GIGYF2: variants seen among roughly 807,000 people sequenced by gnomAD.
GIGYF2 encodes the protein GRB10-interacting GYF protein 2.
Under a neutral mutation model 208.1 loss-of-function variants are expected in GIGYF2, and 25 were observed. The ratio of observed to expected loss-of-function variants is 0.12; its 90% CI spans 0.09 to 0.17. The LOEUF is 0.17. Among genes scored for constraint, GIGYF2 ranks in the 10% least tolerant of loss-of-function variants. The pLI is 1.00. For synonymous variants in GIGYF2, 534 were observed against 543.8 expected (o/e 0.98, Z 0.25); for missense variants, 1,302 against 1,579.4 (o/e 0.82, Z 2.98).
Position 232,839,974 on chromosome 2 carries a change from A to G in GIGYF2, c.2889+3A>G. On this transcript the variant is annotated splice_donor_region_variant and intron_variant, in intron 23 of 28. Transcript: ENST00000373563. ...GAGAACGGCAGCTTCGAGAAGAGGT[A>G]AAATTTTAAAGTAAAAGGGATCTAG... The G allele has an allele frequency of 6.2e-7, 1 of 1,613,844 alleles. No homozygotes were observed. The highest frequency in any genetic ancestry group is 8.5e-7 in the Non-Finnish European group (1 of 1,179,806).
At chr2:232,771,131 G>C (rs1699227974) in intron 8 of GIGYF2, 1 of 1,614,088 alleles carries the variant, frequency 6.2e-7, no homozygotes, top group Non-Finnish European at 8.5e-7. Context: ...ATCTCAGCCA[G>C]AACATACCAG....
intron 21 of GIGYF2, among the ~76,000 whole-genome samples, chr2:232,830,336 T>C (rs1374094913): frequency 6.6e-6 from 1 of 152,198 alleles, no homozygotes; most frequent in East Asian, 1.9e-4. Flanking sequence ...AGTTCAGCTT[T>C]TATAATTACA....
intron 4 of GIGYF2, 145 bp from the exon 5 acceptor site, chr2:232,748,836 ATAGAAG>A: frequency 1.6e-6 from 1 of 630,500 alleles, no homozygotes; most frequent in Non-Finnish European, 2.9e-6. Flanking sequence ...TATAAGGACT[ATAGAAG>A]TCAATTATGG....
At chr2:232,697,593 C>T (rs1370155222) in intron 1 of GIGYF2, among the ~76,000 whole-genome samples, 3 of 152,206 alleles carry the variant, frequency 2.0e-5, no homozygotes, top group African/African-American at 4.8e-5. Flanking sequence ...AGGTGCAGGG[C>T]CGGAGGGAGC....
Position 232,811,224 on chromosome 2 carries a change from T to C in GIGYF2, c.1899-20T>C, listed in dbSNP as rs1184406493. The C allele has an allele frequency of 7.2e-7, 1 of 1,380,884 alleles. No homozygotes were observed. The allele number at this position is 1,380,884 out of a possible 1,614,324, so 85.5% of individuals were successfully genotyped here. On this transcript the variant is annotated intron_variant, in intron 16 of 28. Coordinates refer to ENST00000373563, the MANE Select transcript of GIGYF2 (RefSeq NM_001103146.3). Reference sequence around the variant, plus strand: ...TAAGTGTGGATTGACAGGTTATACTTTTTTTTTTACTTTTTGAAGACAACA... The same window carrying C: ...TAAGTGTGGATTGACAGGTTATACTCTTTTTTTTACTTTTTGAAGACAACA...
intron 14 of GIGYF2, among the ~76,000 whole-genome samples, chr2:232,804,554 C>T (rs763093564): frequency 1.8e-4 from 27 of 152,092 alleles, no homozygotes; most frequent in Non-Finnish European, 2.2e-4. Context: ...TGCAGTGGCG[C>T]GATCTCGGCT....
chr2:232,847,207 C>A, intron 26 of GIGYF2, 141 bp from the exon 27 acceptor site: 1 of 805,112 alleles, frequency 1.2e-6, no homozygotes, highest in Admixed American at 2.0e-5. Context: ...AATATTTAAA[C>A]ACAATTGCTG....
At chr2:232,754,212 T>A (rs904733287) in intron 5 of GIGYF2, among the ~76,000 whole-genome samples, 2 of 150,074 alleles carry the variant, frequency 1.3e-5, no homozygotes, top group African/African-American at 2.4e-5. Context: ...ATTTTTTTTT[T>A]AATCAGCAGT....
chr2:232,778,159 C>T (rs1699590404), intron 8 of GIGYF2, among the ~76,000 whole-genome samples: 1 of 151,962 alleles, frequency 6.6e-6, no homozygotes, highest in Non-Finnish European at 1.5e-5. Context: ...TGGTCTTGAA[C>T]TCCTGGGCTC....
chr2:232,700,024 A>G (rs1321960336), intron 1 of GIGYF2, among the ~76,000 whole-genome samples: 2 of 152,206 alleles, frequency 1.3e-5, no homozygotes, highest in African/African-American at 4.8e-5. Context: ...CTGAGCTTTC[A>G]TAAATGTCCT....
At chr2:232,830,451 G>A (rs1007283573) in intron 21 of GIGYF2, among the ~76,000 whole-genome samples, 38 of 151,824 alleles carry the variant, frequency 2.5e-4, no homozygotes, top group African/African-American at 8.7e-4. Flanking sequence ...TTTATTGGTA[G>A]ACTTTATTTT....
intron 5 of GIGYF2, 109 bp downstream of exon 5, chr2:232,749,191 T>G: frequency 1.3e-6 from 1 of 756,178 alleles, no homozygotes; most frequent in Admixed American, 1.7e-5. Context: ...TCCTCATAGG[T>G]CTGCTTTCTT....
Position 232,760,311 on chromosome 2 carries a change from C to A in GIGYF2, c.380-169C>A, listed in dbSNP as rs1574845645. 42 of 613,094 alleles carry A rather than the reference C, an allele frequency of 6.9e-5. 1 individual carries two copies. The South Asian group carries it at 7.7e-4, about 11-fold the overall frequency. The allele number at this position is 613,094 out of a possible 1,614,324, so 38.0% of individuals were successfully genotyped here. On this transcript the variant is annotated intron_variant, in intron 6 of 28. Transcript: ENST00000373563. ...TCAGCCTCTTGTGGTCCAGCTACTT[C>A]AATGCCATTGTTGGTCTCATAAGTC... is the stretch of plus-strand genomic sequence containing the variant.
intron 4 of GIGYF2, among the ~76,000 whole-genome samples, chr2:232,748,385 T>G (rs1698226053): frequency 6.6e-6 from 1 of 152,104 alleles, no homozygotes; most frequent in Admixed American, 6.5e-5. Flanking sequence ...CAGGTTCAGG[T>G]GATTCTTGTG....
chr2:232,846,671 ATG>A (rs5839450), intron 26 of GIGYF2, among the ~76,000 whole-genome samples: 103,757 of 152,004 alleles, frequency 0.68, 35,774 homozygotes, highest in African/African-American at 0.73. Context: ...AGCACCTACC[ATG>A]TGTGCTAGGC....
intron 8 of GIGYF2, among the ~76,000 whole-genome samples, chr2:232,763,130 G>A (rs565340039): frequency 6.6e-6 from 1 of 152,238 alleles, no homozygotes; most frequent in African/African-American, 2.4e-5. Context: ...CATAATCATG[G>A]GGGGCTTGTC....
chr2:232,715,580 GAA>G (rs377446361), intron 2 of GIGYF2, among the ~76,000 whole-genome samples: 14 of 142,504 alleles, frequency 9.8e-5, no homozygotes, highest in African/African-American at 3.1e-4. Flanking sequence ...GGCTTTCTGG[GAA>G]AAAAAAAAAA....
intron 1 of GIGYF2, among the ~76,000 whole-genome samples, chr2:232,701,821 T>G (rs1481541849): frequency 2.6e-5 from 4 of 151,994 alleles, no homozygotes; most frequent in Non-Finnish European, 5.9e-5. Flanking sequence ...CTTTACCCAC[T>G]GAACTGTGTA....
chr2:232,836,263 CATATATAT>C (rs1156576756), intron 22 of GIGYF2, among the ~76,000 whole-genome samples: 2 of 38,626 alleles, frequency 5.2e-5, no homozygotes, highest in Non-Finnish European at 9.5e-5. Context: ...CCCATCTCTA[CATATATAT>C]ATATATATAT....
Sources: allele counts gnomAD v4.1 joint callset (sites outside exome capture counted in the v4.1 genomes callset), GRCh38; gene constraint gnomAD v4.1.1; transcripts MANE v1.5; gene names NCBI Gene and HGNC (gene_info 2026-07-23, HGNC 2026-07-21).